The following GRIA2 variants were observed in gnomAD, a reference collection of about 807,000 sequenced individuals.
GRIA2 encodes glutamate ionotropic receptor AMPA type subunit 2.
A neutral mutation model predicts 97.3 loss-of-function variants in GRIA2; 14 were observed. The ratio of observed to expected loss-of-function variants is 0.14; its 90% confidence interval spans 0.10 to 0.23. The LOEUF is 0.23. GRIA2 is among the 10% of genes least tolerant of loss of function. GRIA2 has a pLI of 1.00. For missense variants in GRIA2, 558 were observed against 1,069.8 expected, an observed-to-expected ratio of 0.52 and a Z score of 6.67; for synonymous variants, 412 against 387.8, an observed-to-expected ratio of 1.06 and a Z score of -0.73.
intron 2 of GRIA2, among the ~76,000 whole-genome samples, 187 bp from the exon 3 acceptor site, chr4:157,303,365 T>G (rs1733697808): frequency 6.6e-6 from 1 of 152,208 alleles, no homozygotes; most frequent in East Asian, 1.9e-4. Context: ...TTTAGAATCT[T>G]TTAGATCCCA....
At chr4:157,222,617 TG>T (rs1354568594) in intron 2 of GRIA2, among the ~76,000 whole-genome samples, 1 of 152,174 alleles carries the variant, frequency 6.6e-6, no homozygotes, top group Non-Finnish European at 1.5e-5. Context: ...CTCAGGTAGC[TG>T]GGCTCCAGCA....
intron 2 of GRIA2, among the ~76,000 whole-genome samples, chr4:157,236,269 A>T (rs887338891): frequency 1.3e-5 from 2 of 152,082 alleles, no homozygotes; most frequent in African/African-American, 4.8e-5. Flanking sequence ...ATTTAAAAAA[A>T]ACACTACACA....
At chr4:157,335,210 C>A (rs1735227533) in intron 9 of GRIA2, 1 of 191,154 alleles carries the variant, frequency 5.2e-6, no homozygotes, top group South Asian at 1.1e-4. Flanking sequence ...GTATCACTGA[C>A]CATGAACCTG....
intron 2 of GRIA2, among the ~76,000 whole-genome samples, chr4:157,262,556 C>T (rs1392663830): frequency 6.6e-6 from 1 of 151,982 alleles, no homozygotes; most frequent in Non-Finnish European, 1.5e-5. Flanking sequence ...ATTTTGAGTG[C>T]CCATATGGCT....
At chr4:157,360,239 A>G in intron 13 of GRIA2, 96 bp downstream of exon 13, 1 of 1,248,762 alleles carries the variant, frequency 8.0e-7, no homozygotes, top group Non-Finnish European at 1.1e-6. Flanking sequence ...GTATACGGAT[A>G]TGAGGTAACT....
chr4:157,363,393 GT>G, intron 15 of GRIA2, 41 bp from the exon 16 acceptor site: 1 of 1,189,304 alleles, frequency 8.4e-7, no homozygotes, highest in Non-Finnish European at 1.1e-6. Flanking sequence ...AAACCATAAC[GT>G]ATGATTTCTT....
At chr4:157,343,018 G>C (rs1735612595) in intron 12 of GRIA2, among the ~76,000 whole-genome samples, 1 of 152,038 alleles carries the variant, frequency 6.6e-6, no homozygotes, top group Non-Finnish European at 1.5e-5. Flanking sequence ...TATATGGCCA[G>C]TGTATTCACA....
chr4:157,279,205 G>A (rs976468505), intron 2 of GRIA2, among the ~76,000 whole-genome samples: 2 of 152,096 alleles, frequency 1.3e-5, no homozygotes, highest in African/African-American at 4.8e-5. Flanking sequence ...AAACAACCAA[G>A]ATGTCCTTCA....
At chr4:157,260,990 G>A (rs1010397889) in intron 2 of GRIA2, among the ~76,000 whole-genome samples, 7 of 151,928 alleles carry the variant, frequency 4.6e-5, no homozygotes, top group African/African-American at 1.7e-4. Flanking sequence ...ATTGTTGAGG[G>A]CAAAGTCAAA....
chr4:157,312,908 A>G (rs1313720765), intron 4 of GRIA2, 33 bp downstream of exon 4: 2 of 1,230,204 alleles, frequency 1.6e-6, no homozygotes, highest in African/African-American at 1.5e-5. Context: ...ATGATGCCAG[A>G]TATAGAATAT....
intron 2 of GRIA2, among the ~76,000 whole-genome samples, chr4:157,275,844 C>T (rs910091173): frequency 1.6e-4 from 25 of 151,952 alleles, no homozygotes; most frequent in Admixed American, 3.3e-4. Context: ...ATTGACTTGG[C>T]GATGTGGGCT....
intron 2 of GRIA2, among the ~76,000 whole-genome samples, chr4:157,275,895 G>A (rs1579324220): frequency 6.6e-6 from 1 of 151,336 alleles, no homozygotes; most frequent in Non-Finnish European, 1.5e-5. Context: ...GTTTTTTCCT[G>A]TGAAGAAAGT....
chr4:157,323,276 A>G (rs1274948784), intron 6 of GRIA2, among the ~76,000 whole-genome samples: 1 of 124,844 alleles, frequency 8.0e-6, no homozygotes, highest in Non-Finnish European at 1.6e-5. Flanking sequence ...TAGAGCTTGC[A>G]GTGGGCCGAG....
chr4:157,234,783 T>C (rs1171708211), intron 2 of GRIA2, among the ~76,000 whole-genome samples: 1 of 152,136 alleles, frequency 6.6e-6, no homozygotes, highest in East Asian at 1.9e-4. Context: ...TGCCTGTTTC[T>C]AGTCTGCTGA....
intron 9 of GRIA2, 58 bp downstream of exon 9, chr4:157,334,178 G>C (rs1735184110): frequency 1.2e-6 from 1 of 823,004 alleles, no homozygotes; most frequent in Admixed American, 1.8e-5. Flanking sequence ...AATATCTGCA[G>C]GAGTAGCTAT....
At chr4:157,348,976 A>G (rs892630087) in intron 12 of GRIA2, among the ~76,000 whole-genome samples, 3 of 152,184 alleles carry the variant, frequency 2.0e-5, no homozygotes, top group Admixed American at 1.3e-4. Flanking sequence ...TTTTGCTCCA[A>G]ATACTTTTCT....
At chr4:157,339,333 GAA>G (rs1335311688) in intron 11 of GRIA2, among the ~76,000 whole-genome samples, 13 of 151,988 alleles carry the variant, frequency 8.6e-5, no homozygotes, top group Admixed American at 2.0e-4. Flanking sequence ...GCTGATGGGC[GAA>G]AGTTTTACTT....
chr4:157,355,989 T>A (rs1260989494), intron 12 of GRIA2, among the ~76,000 whole-genome samples: 25 of 80,968 alleles, frequency 3.1e-4, no homozygotes, highest in Admixed American at 1.2e-3. Context: ...ATTTATATAT[T>A]TATATATATT....
At chr4:157,275,964 A>T (rs1221148024) in intron 2 of GRIA2, among the ~76,000 whole-genome samples, 19 of 152,068 alleles carry the variant, frequency 1.2e-4, no homozygotes, top group Admixed American at 1.1e-3. Flanking sequence ...CAGTATGGCC[A>T]TTTTCACTAC....
Sources: allele counts gnomAD v4.1 joint callset (sites outside exome capture counted in the v4.1 genomes callset), GRCh38; gene constraint gnomAD v4.1.1; transcripts MANE v1.5; gene names NCBI Gene and HGNC (gene_info 2026-07-23, HGNC 2026-07-21).